SRGAP3: variants seen among roughly 807,000 people sequenced by gnomAD.
The protein encoded by SRGAP3 is SLIT-ROBO Rho GTPase activating protein 3.
A neutral mutation model predicts 121.1 loss-of-function variants in SRGAP3; 39 were observed. The observed-to-expected ratio is 0.32, with a 90% CI of 0.25 to 0.42. SRGAP3 has a LOEUF of 0.42. Ranked by LOEUF, SRGAP3 falls within the 10% of genes least tolerant of loss-of-function variation. The pLI is 1.00. For synonymous variants in SRGAP3, 601 were observed against 570.0 expected (o/e 1.05, Z -0.77); for missense variants, 1,213 against 1,470.6 (o/e 0.82, Z 2.86).
At chr3:9,149,088 C>T (rs1950122762) in intron 1 of SRGAP3, among the ~76,000 whole-genome samples, 1 of 151,912 alleles carries the variant, frequency 6.6e-6, no homozygotes. Context: ...GTGGCAGGCG[C>T]CTGTAATCCC....
At chr3:9,359,213 G>C (rs1028726668) in intron 1 of SRGAP3, among the ~76,000 whole-genome samples, 3 of 152,122 alleles carry the variant, frequency 2.0e-5, no homozygotes, top group Non-Finnish European at 4.4e-5. Context: ...CTTATAAAAG[G>C]GTCCGTTCAG....
chr3:9,252,384 G>C (rs1483020941), upstream of SRGAP3, among the ~76,000 whole-genome samples: 7 of 151,932 alleles, frequency 4.6e-5, no homozygotes. Context: ...CCGAAGTACT[G>C]GGATTGCAGA....
At chr3:9,127,631 T>C (rs981406166) in intron 1 of SRGAP3, among the ~76,000 whole-genome samples, 36 of 152,282 alleles carry the variant, frequency 2.4e-4, no homozygotes, top group African/African-American at 8.2e-4. Context: ...GTATTTTTAG[T>C]AGAGACGAGG....
At chr3:9,186,237 CTT>C (rs1224926782) in intron 1 of SRGAP3, among the ~76,000 whole-genome samples, 7 of 152,186 alleles carry the variant, frequency 4.6e-5, no homozygotes, top group Non-Finnish European at 8.8e-5. Flanking sequence ...CAAGATCTAA[CTT>C]AACCTCCAGG....
At chr3:9,298,185 T>C (rs1183356711) in intron 3 of SRGAP3, among the ~76,000 whole-genome samples, 1 of 152,230 alleles carries the variant, frequency 6.6e-6, no homozygotes, top group Non-Finnish European at 1.5e-5. Context: ...GGAATATATA[T>C]ATCTCGTGAG....
intron 1 of SRGAP3, among the ~76,000 whole-genome samples, chr3:9,226,421 A>G (rs1414556143): frequency 6.6e-6 from 1 of 152,208 alleles, no homozygotes; most frequent in Non-Finnish European, 1.5e-5. Flanking sequence ...CCAGGGATTC[A>G]TCACCCAGCC....
chr3:9,229,428 G>A (rs1038185018), intron 1 of SRGAP3, among the ~76,000 whole-genome samples: 1 of 152,200 alleles, frequency 6.6e-6, no homozygotes, highest in African/African-American at 2.4e-5. Context: ...TGGAGCAATA[G>A]AGCTGAGATT....
intron 9 of SRGAP3, among the ~76,000 whole-genome samples, chr3:9,049,060 A>G (rs1182853347): frequency 6.6e-6 from 1 of 151,898 alleles, no homozygotes; most frequent in African/African-American, 2.4e-5. Context: ...TCAAAGAGAA[A>G]CCCACTCTAT....
chr3:9,128,095 C>T (rs1223956184), intron 1 of SRGAP3, among the ~76,000 whole-genome samples: 2 of 152,098 alleles, frequency 1.3e-5, no homozygotes, highest in South Asian at 4.2e-4. Context: ...CAGGCCCCAG[C>T]CCATACCATC....
chr3:9,178,016 C>G (rs957241596), intron 1 of SRGAP3, among the ~76,000 whole-genome samples: 1 of 152,056 alleles, frequency 6.6e-6, no homozygotes, highest in Non-Finnish European at 1.5e-5. Flanking sequence ...ACCTGTAATC[C>G]TAGCACTTTG....
intron 1 of SRGAP3, among the ~76,000 whole-genome samples, chr3:9,352,821 A>C (rs1050212923): frequency 6.6e-6 from 1 of 152,210 alleles, no homozygotes; most frequent in Non-Finnish European, 1.5e-5. Context: ...GCTAATAAGA[A>C]TATCTACCCC....
chr3:9,259,701 G>A (rs760039920), intron 3 of SRGAP3, among the ~76,000 whole-genome samples: 3 of 152,188 alleles, frequency 2.0e-5, no homozygotes, highest in Non-Finnish European at 4.4e-5. Context: ...CTGCATCGGT[G>A]AAAATTTTCT....
chr3:9,304,263 A>G (rs139756878), intron 3 of SRGAP3, among the ~76,000 whole-genome samples: 7 of 152,266 alleles, frequency 4.6e-5, no homozygotes, highest in Non-Finnish European at 7.4e-5. Flanking sequence ...CACTTGCCTA[A>G]TGAAAGCTCT....
At chr3:9,348,302 G>C in intron 1 of SRGAP3, 1 of 371,296 alleles carries the variant, frequency 2.7e-6, no homozygotes, top group Non-Finnish European at 5.2e-6. Flanking sequence ...AAGGAAGAGA[G>C]AAAACAAGAA....
At chr3:9,297,474 T>C (rs1574981319) in intron 3 of SRGAP3, among the ~76,000 whole-genome samples, 1 of 152,164 alleles carries the variant, frequency 6.6e-6, no homozygotes, top group East Asian at 1.9e-4. Flanking sequence ...AAAATGCACA[T>C]GTTGAAATCC....
intron 13 of SRGAP3, among the ~76,000 whole-genome samples, chr3:9,025,792 G>T (rs1944168400): frequency 6.6e-6 from 1 of 152,090 alleles, no homozygotes; most frequent in Non-Finnish European, 1.5e-5. Context: ...CATAACAGCA[G>T]CCTGTACAAC....
rs192782416 is a variant in SRGAP3 at position 9,357,031 on chromosome 3, G to A, written n.214+5809C>T. ...TAATTCCAGCACTTTGCAAGGCCAA[G>A]GCAGGCAGATCACTTGAGCTCAGGA... On this transcript the variant is annotated intron_variant and non_coding_transcript_variant, in intron 1 of 3. Transcript: ENST00000490889. Among the ~76,000 whole-genome samples the A allele has an allele frequency of 2.1e-4, 32 of 152,142 alleles. No individual in the cohort carries two copies. In the East Asian group the frequency reaches 5.6e-3, roughly 27 times the overall value.
At chr3:9,246,476 A>C (rs761809390) in intron 1 of SRGAP3, among the ~76,000 whole-genome samples, 15 of 152,212 alleles carry the variant, frequency 9.9e-5, no homozygotes, top group Non-Finnish European at 1.5e-4. Flanking sequence ...TCAATCCTTC[A>C]AGGGGCAGCT....
intron 1 of SRGAP3, among the ~76,000 whole-genome samples, chr3:9,192,223 G>T (rs1951774015): frequency 6.6e-6 from 1 of 152,194 alleles, no homozygotes; most frequent in Non-Finnish European, 1.5e-5. Flanking sequence ...AATAACCTCT[G>T]AGCCCTTGGA....
Sources: allele counts gnomAD v4.1 joint callset (sites outside exome capture counted in the v4.1 genomes callset), GRCh38; gene constraint gnomAD v4.1.1; transcripts MANE v1.5; gene names NCBI Gene and HGNC (gene_info 2026-07-23, HGNC 2026-07-21).